The following PRKCE variants were observed in gnomAD, a reference collection of about 807,000 sequenced individuals.
The protein encoded by PRKCE is protein kinase C epsilon type.
A neutral mutation model predicts 85.4 loss-of-function variants in PRKCE; 16 were observed. That is an observed-to-expected ratio of 0.19 (90% CI 0.13 to 0.28). The LOEUF (loss-of-function observed/expected upper bound fraction) is 0.28, where lower values mean the gene tolerates loss of function less well. PRKCE is among the 10% of genes least tolerant of loss of function. PRKCE has a pLI of 1.00. For synonymous variants in PRKCE, 388 were observed against 371.5 expected, an observed-to-expected ratio of 1.04 and a Z score of -0.51; for missense variants, 573 against 975.2, an observed-to-expected ratio of 0.59 and a Z score of 5.49.
intron 11 of PRKCE, among the ~76,000 whole-genome samples, chr2:46,134,683 TATCTC>T (rs1404130716): frequency 3.9e-5 from 6 of 152,248 alleles, no homozygotes; most frequent in Non-Finnish European, 7.3e-5. Context: ...CCAGCCGTCT[TATCTC>T]ATATTTGAGG....
chr2:45,688,095 A>G (rs1677442532), intron 1 of PRKCE, among the ~76,000 whole-genome samples: 2 of 152,216 alleles, frequency 1.3e-5, no homozygotes, highest in Non-Finnish European at 2.9e-5. Context: ...AATCCCTTAT[A>G]TTTGACAACA....
intron 1 of PRKCE, among the ~76,000 whole-genome samples, chr2:45,820,480 T>C (rs1225238728): frequency 6.6e-6 from 1 of 151,642 alleles, no homozygotes; most frequent in Non-Finnish European, 1.5e-5. Flanking sequence ...CCTGGCATAG[T>C]AGGAGGGCAA....
intron 11 of PRKCE, among the ~76,000 whole-genome samples, chr2:46,120,139 G>A (rs371634043): frequency 6.6e-6 from 1 of 152,170 alleles, no homozygotes; most frequent in African/African-American, 2.4e-5. Context: ...TTAAGCAGTA[G>A]CATTGCTAAG....
intron 1 of PRKCE, among the ~76,000 whole-genome samples, chr2:45,663,953 A>C (rs1675798238): frequency 6.6e-6 from 1 of 152,224 alleles, no homozygotes; most frequent in African/African-American, 2.4e-5. Context: ...GCTAGAATGG[A>C]TGTTCATTCA....
rs147945167 is a variant in PRKCE, at chr2:45,822,496, G to T, written c.349-20504G>T. On this transcript the variant is annotated intron_variant, in intron 1 of 14. Transcript: ENST00000306156. Reference sequence around the variant, plus strand: ...CTGTCTGCAGATGTGTCTGTTGCTGGATGTGGACACAAGGGTAACTGCCAG... The same window carrying T: ...CTGTCTGCAGATGTGTCTGTTGCTGTATGTGGACACAAGGGTAACTGCCAG... Among the ~76,000 whole-genome samples the T allele has an allele frequency of 7.9e-5, 12 of 152,346 alleles. No individual in the cohort carries two copies. In the East Asian group the frequency reaches 2.3e-3, roughly 29 times the overall value.
intron 11 of PRKCE, among the ~76,000 whole-genome samples, chr2:46,127,000 CAGTG>C (rs1350450215): frequency 3.3e-5 from 5 of 152,214 alleles, no homozygotes; most frequent in Admixed American, 2.6e-4. Flanking sequence ...AATCTAGAGT[CAGTG>C]AGTGCTATTT....
chr2:45,670,530 A>G (rs995236521), intron 1 of PRKCE, among the ~76,000 whole-genome samples: 2 of 152,190 alleles, frequency 1.3e-5, no homozygotes, highest in African/African-American at 4.8e-5. Flanking sequence ...GTGAGTACGT[A>G]TGATCTTAAT....
At chr2:45,829,915 T>C (rs1329538559) in intron 1 of PRKCE, among the ~76,000 whole-genome samples, 1 of 151,044 alleles carries the variant, frequency 6.6e-6, no homozygotes, top group African/African-American at 2.4e-5. Flanking sequence ...CTACTAAAAA[T>C]ACAAAAAATT....
At position 46,184,094 on chromosome 2, in the gene PRKCE, A is replaced by G. The variant is rs532267224; in HGVS notation, c.2068-641A>G. 6.6e-6 allele frequency among the ~76,000 whole-genome samples: 1 copy of G among 152,112 alleles called. No individual in the cohort carries two copies. Among genetic ancestry groups the G allele is most frequent in the Non-Finnish European group, 1.5e-5 (1 of 68,026 alleles). On this transcript the variant is annotated intron_variant, in intron 14 of 14. Transcript: ENST00000306156. The surrounding 1 kb of genome is among the most constrained non-coding windows in gnomAD (Gnocchi z 5.0). ...ACTTATTGCTGGGGAACTGCTGGGAACTCAAAGTTGAACAAGACAAGGTCT... is the reference window on the plus strand; with the variant it reads ...ACTTATTGCTGGGGAACTGCTGGGAGCTCAAAGTTGAACAAGACAAGGTCT...
At chr2:45,695,579 C>G (rs1678075906) in intron 1 of PRKCE, among the ~76,000 whole-genome samples, 1 of 152,172 alleles carries the variant, frequency 6.6e-6, no homozygotes, top group South Asian at 2.1e-4. Flanking sequence ...TCAAAACCAG[C>G]CTGGCCAACA....
intron 1 of PRKCE, among the ~76,000 whole-genome samples, chr2:45,762,194 C>G (rs1040377570): frequency 6.6e-6 from 1 of 152,236 alleles, no homozygotes; most frequent in Non-Finnish European, 1.5e-5. Context: ...TTGTCAAGCT[C>G]TCTTACTTCC....
chr2:45,765,828 T>C (rs891478573), intron 1 of PRKCE, among the ~76,000 whole-genome samples: 4 of 152,184 alleles, frequency 2.6e-5, no homozygotes, highest in Non-Finnish European at 5.9e-5. Flanking sequence ...AGAGAATTAA[T>C]GCACAGAAGG....
intron 2 of PRKCE, among the ~76,000 whole-genome samples, chr2:45,921,200 A>G (rs1698220645): frequency 6.6e-6 from 1 of 152,262 alleles, no homozygotes; most frequent in Non-Finnish European, 1.5e-5. Context: ...AGTCTTTTAC[A>G]CAGCCAAGCC....
chr2:46,140,891 AT>A (rs1303461405), intron 11 of PRKCE, among the ~76,000 whole-genome samples: 1 of 152,182 alleles, frequency 6.6e-6, no homozygotes, highest in Non-Finnish European at 1.5e-5. Context: ...AAAAATACAG[AT>A]CTCTTTTGAA....
intron 2 of PRKCE, chr2:45,845,600 G>A (rs533883701): frequency 6.6e-6 from 1 of 152,182 alleles, no homozygotes; most frequent in Admixed American, 6.5e-5. Flanking sequence ...TCAGAGAGAG[G>A]TGTGGGGGTG....
At chr2:45,703,518 A>G (rs548446645) in intron 1 of PRKCE, among the ~76,000 whole-genome samples, 1 of 151,600 alleles carries the variant, frequency 6.6e-6, no homozygotes, top group Non-Finnish European at 1.5e-5. Context: ...AGCCTGGGTG[A>G]CAGAGTGAGA....
intron 1 of PRKCE, among the ~76,000 whole-genome samples, chr2:45,673,195 C>T (rs887894101): frequency 4.6e-5 from 7 of 152,196 alleles, no homozygotes. Flanking sequence ...CAGCCTACTG[C>T]AATGGTAGAT....
intron 11 of PRKCE, among the ~76,000 whole-genome samples, chr2:46,141,681 C>T (rs929324665): frequency 6.8e-5 from 10 of 147,510 alleles, no homozygotes; most frequent in African/African-American, 2.0e-4. Context: ...GCTGGATTTT[C>T]CCCCCTCTAT....
chr2:45,928,575 CTT>C (rs1193487427), intron 2 of PRKCE, among the ~76,000 whole-genome samples: 1 of 152,186 alleles, frequency 6.6e-6, no homozygotes, highest in Non-Finnish European at 1.5e-5. Context: ...CGGCCCATAA[CTT>C]TACACTTCTC....
Sources: gnomAD v4.1 joint callset for allele counts (sites outside exome capture counted in the v4.1 genomes callset) on GRCh38, gnomAD v4.1.1 for gene constraint, Gnocchi (gnomAD v3.1) non-coding constraint, MANE v1.5 for transcripts, NCBI Gene and HGNC (gene_info 2026-07-23, HGNC 2026-07-21) for gene names.